The following SYCN variants were observed in gnomAD, a reference collection of about 807,000 sequenced individuals.
SYCN encodes the protein syncollin.
SYCN carries 16 observed loss-of-function variants against 12.6 expected under a neutral mutation model. The ratio of observed to expected loss-of-function variants is 1.27; its 90% CI spans 0.86 to 1.92. The LOEUF is 1.92. Ranked by LOEUF, SYCN falls within the 30% of genes most tolerant of loss-of-function variation. The pLI, the probability that SYCN is intolerant of heterozygous loss-of-function variation, is 0.00. For synonymous variants in SYCN, 97 were observed against 88.4 expected, an observed-to-expected ratio of 1.10 and a Z score of -0.55; for missense variants, 226 against 181.8, an observed-to-expected ratio of 1.24 and a Z score of -1.40.
Position 39,203,916 on chromosome 19 carries a change from C to G in SYCN, c.339G>C (p.Glu113Asp). The change falls in exon 1 of 2, where the codon GAG (glutamate) becomes GAC (aspartate). Residue 113 changes from glutamate to aspartate, a missense_variant. Coordinates refer to ENST00000318438, the MANE Select transcript of SYCN (RefSeq NM_001080468.4). ...FSAGTYPRLE[E>D]YRRGILGDWS... ...AGTCTCCTAAGATGCCCCGGCGGTA[C>G]TCCTCCAGGCGCGGGTAGGTGCCGG... is the stretch of plus-strand genomic sequence containing the variant. The G allele has an allele frequency of 1.2e-6, 2 of 1,611,808 alleles. No individual in the cohort carries two copies. The highest frequency in any genetic ancestry group is 1.7e-6 in the Non-Finnish European group (2 of 1,179,000).
rs1211359916 is a variant in SYCN, at chr19:39,203,911, C to T, written c.344G>A (p.Arg115His). 1.2e-6 allele frequency: 2 copies of T among 1,611,442 alleles called. No individual in the cohort carries two copies. The highest frequency in any genetic ancestry group is 2.2e-5 in the East Asian group (1 of 44,838). The change falls in exon 1 of 2, where the codon CGC becomes CAC. Residue 115 changes from arginine to histidine, a missense_variant. Coordinates refer to ENST00000318438, the MANE Select transcript of SYCN (RefSeq NM_001080468.4). ...GGACCAGTCTCCTAAGATGCCCCGG[C>T]GGTACTCCTCCAGGCGCGGGTAGGT... ...AGTYPRLEEY[R>H]RGILGDWSNA...
rs775979532 is a variant in SYCN at position 39,202,986 on chromosome 19, A to T, written c.*1T>A. ...GCTGCAGATGAGAGACCAGCAATGCATCAGCTGCACCTGAAATGTAATCAA... is the reference window on the plus strand; with the variant it reads ...GCTGCAGATGAGAGACCAGCAATGCTTCAGCTGCACCTGAAATGTAATCAA... On this transcript the variant is annotated 3_prime_UTR_variant, in exon 2 of 2. Coordinates refer to ENST00000318438, the MANE Select transcript of SYCN (RefSeq NM_001080468.4). 6.3e-6 allele frequency: 10 copies of T among 1,580,152 alleles called. 1 individual carries two copies. The Middle Eastern group carries it at 1.3e-3, about 210-fold the overall frequency.
chr19:39,203,099 AGGCTCCAAGTTCAGGAACCAG>A, intron 1 of SYCN, 103 bp from the exon 2 acceptor site: 3 of 1,263,688 alleles, frequency 2.4e-6, no homozygotes, highest in Non-Finnish European at 3.3e-6. Context: ...TCTGGGTCTG[AGGCTCCAAGTTCAGGAACCAG>A]GGATCCTAGC....
In SYCN at chr19:39,204,039, G is replaced by T; in HGVS notation, c.216C>A (p.Asn72Lys). 1 of 1,612,602 alleles carries T rather than the reference G, an allele frequency of 6.2e-7. No homozygotes were observed. Residue 72 changes from asparagine (N) to lysine (K), a missense_variant, in exon 1 of 2, where the codon AAC becomes AAA. Physicochemically the swap from Asn to Lys is moderately conservative, Grantham distance 94. Coordinates refer to ENST00000318438, the MANE Select transcript of SYCN (RefSeq NM_001080468.4). ...CAAGTGAGGAGGCGGTGTTGGCCCA[G>T]TTGGAGGGCAGGTAGGGCAGGTCTG... ...SGADLPYLPS[N>K]WANTASSLVV...
At position 39,202,937 on chromosome 19, in the gene SYCN, T is replaced by C; in HGVS notation, c.*50A>G. On this transcript the variant is annotated 3_prime_UTR_variant, in exon 2 of 2. Coordinates refer to ENST00000318438, the MANE Select transcript of SYCN (RefSeq NM_001080468.4). ...GAGCAGAGCCCAGGGATGGGCTGAG[T>C]GAGGGGCTTGGCACTCTGTGGAAGC... The C allele has an allele frequency of 1.3e-6, 2 of 1,568,852 alleles. No homozygotes were observed. Among genetic ancestry groups the C allele is most frequent in the Non-Finnish European group, 1.7e-6 (2 of 1,159,042 alleles).
Position 39,204,238 on chromosome 19 carries a change from G to T in SYCN, c.17C>A (p.Pro6Gln), listed in dbSNP as rs768166014. MSPLR[P>Q]LLLALALASV... ...GGCAAGGGCCAGGGCCAGCAGCAGCGGGCGCAGCGGGGACATGGTGGCAGT... is the reference window on the plus strand; with the variant it reads ...GGCAAGGGCCAGGGCCAGCAGCAGCTGGCGCAGCGGGGACATGGTGGCAGT... The change falls in exon 1 of 2, where the codon CCG (proline) becomes CAG (glutamine). Residue 6 changes from proline (P) to glutamine (Q), a missense_variant. Coordinates refer to ENST00000318438, the MANE Select transcript of SYCN (RefSeq NM_001080468.4). The T allele has an allele frequency of 6.4e-7, 1 of 1,573,914 alleles. No individual in the cohort carries two copies. Among genetic ancestry groups the T allele is most frequent in the Middle Eastern group, 2.2e-4 (1 of 4,582 alleles).
rs1186084871 is a variant in SYCN at position 39,204,162 on chromosome 19, G to C, written c.93C>G (p.His31Gln). Residue 31 changes from histidine (H) to glutamine (Q), a missense_variant, in exon 1 of 2, where the codon CAC becomes CAG. Physicochemically the swap from His to Gln is conservative, Grantham distance 24. Transcript: ENST00000318438. Reference sequence around the variant, plus strand: ...TGGCGCAAGTGCGCGTCCCGTCCGAGTGCTTGAGGTCGGCGGAGGCGGGGC... The same window carrying C: ...TGGCGCAAGTGCGCGTCCCGTCCGACTGCTTGAGGTCGGCGGAGGCGGGGC... ...GACPASADLKHSDGTRTCAKL... is the reference protein window; with the variant it reads ...GACPASADLKQSDGTRTCAKL... The C allele has an allele frequency of 6.2e-7, 1 of 1,612,422 alleles. No homozygotes were observed. The highest frequency in any genetic ancestry group is 8.5e-7 in the Non-Finnish European group (1 of 1,179,632).
intron 1 of SYCN, 96 bp downstream of exon 1, chr19:39,203,764 T>C: frequency 7.2e-7 from 1 of 1,397,072 alleles, no homozygotes. Context: ...CTCAGGGGTG[T>C]GGAGCAGCCT....
At chr19:39,203,738 C>G (rs1399577809) in intron 1 of SYCN, 122 bp downstream of exon 1, 2 of 1,218,348 alleles carry the variant, frequency 1.6e-6, no homozygotes, top group Non-Finnish European at 2.2e-6. Flanking sequence ...CTGGTGCTCC[C>G]TGTTACAGTC....
At position 39,204,084 on chromosome 19, in the gene SYCN, C is replaced by T; in HGVS notation, c.171G>A (p.Glu57=). The change falls in exon 1 of 2, where the codon GAG becomes GAA. Residue 57 remains glutamate, a synonymous_variant. Coordinates refer to ENST00000318438, the MANE Select transcript of SYCN (RefSeq NM_001080468.4). The part of the protein sequence containing the change: ...PYYENCCGGA[E]LSLESGADLP... ...GGTCTGCGCCCGACTCCAGCGACAG[C>T]TCGGCGCCCCCGCAGCAGTTCTCAT... 1.2e-6 allele frequency: 2 copies of T among 1,613,006 alleles called. No individual in the cohort carries two copies. Among genetic ancestry groups the T allele is most frequent in the Middle Eastern group, 3.3e-4 (2 of 6,032 alleles).
chr19:39,203,073 G>T (rs2074795237), intron 1 of SYCN, 77 bp from the exon 2 acceptor site: 8 of 1,487,134 alleles, frequency 5.4e-6, no homozygotes, highest in Non-Finnish European at 6.4e-6. Context: ...CCTGAGACTG[G>T]GTGGGGGCTG....
Position 39,204,092 on chromosome 19 carries a change from C to T in SYCN, c.163G>A (p.Gly55Ser). 4 of 1,613,086 alleles carry T rather than the reference C, an allele frequency of 2.5e-6. No homozygotes were observed. Among genetic ancestry groups the T allele is most frequent in the East Asian group, 2.2e-5 (1 of 44,860 alleles). ...SDPYYENCCG[G>S]AELSLESGAD... ...CCCGACTCCAGCGACAGCTCGGCGCCCCCGCAGCAGTTCTCATAGTAGGGG... is the reference window on the plus strand; with the variant it reads ...CCCGACTCCAGCGACAGCTCGGCGCTCCCGCAGCAGTTCTCATAGTAGGGG... Residue 55 changes from glycine (G) to serine (S), a missense_variant, in exon 1 of 2, where the codon GGC becomes AGC. Transcript: ENST00000318438.
At position 39,204,180 on chromosome 19, in the gene SYCN, G is replaced by A. The variant is rs2074801527; in HGVS notation, c.75C>T (p.Ala25=). The A allele has an allele frequency of 6.2e-7, 1 of 1,611,248 alleles. No individual in the cohort carries two copies. Residue 25 remains alanine, a synonymous_variant, in exon 1 of 2, where the codon GCC becomes GCT. Transcript: ENST00000318438. ...SVPCAQGACP[A]SADLKHSDGT... is the part of the protein sequence containing the mutation. ...CGTCCGAGTGCTTGAGGTCGGCGGA[G>A]GCGGGGCAGGCGCCCTGGGCGCAAG...
chr19:39,204,248 G>T lies in SYCN; in HGVS notation c.7C>A (p.Pro3Thr). The T allele has an allele frequency of 6.4e-7, 1 of 1,560,164 alleles. No individual in the cohort carries two copies. Residue 3 changes from proline (P) to threonine (T), a missense_variant, in exon 1 of 2, where the codon CCG becomes ACG. Transcript: ENST00000318438. ...AGGGCCAGCAGCAGCGGGCGCAGCG[G>T]GGACATGGTGGCAGTGCCCTGCCGC... MS[P>T]LRPLLLALAL...
At position 39,204,149 on chromosome 19, in the gene SYCN, G is replaced by A. The variant is rs2074801185; in HGVS notation, c.106C>T (p.Arg36Cys). The A allele has an allele frequency of 1.9e-6, 3 of 1,612,598 alleles. No homozygotes were observed. Among genetic ancestry groups the A allele is most frequent in the Non-Finnish European group, 2.5e-6 (3 of 1,179,710 alleles). Residue 36 changes from arginine to cysteine, a missense_variant, in exon 1 of 2, where the codon CGC (arginine) becomes TGC (cysteine). Physicochemically the swap from Arg to Cys is radical, Grantham distance 180. Transcript: ENST00000318438. ...SADLKHSDGTRTCAKLYDKSD... is the reference protein window; with the variant it reads ...SADLKHSDGTCTCAKLYDKSD... ...TTGTCATAGAGCTTGGCGCAAGTGC[G>A]CGTCCCGTCCGAGTGCTTGAGGTCG...
intron 1 of SYCN, 88 bp from the exon 2 acceptor site, chr19:39,203,084 G>A (rs1600436204): frequency 7.1e-6 from 10 of 1,413,698 alleles, no homozygotes; most frequent in East Asian, 2.5e-5. Context: ...GTGGGGGCTG[G>A]GGAGTCTGGG....
chr19:39,203,871 CGCGGAGATA>C lies in SYCN; in HGVS notation c.375_383del (p.Ile126_Ala128del). On this transcript the variant is annotated inframe_deletion, in exon 1 of 2. Transcript: ENST00000318438. Reference sequence around the variant, plus strand: ...GGGCGGCCGGGCACCTGCAGTAGAGCGCGGAGATAGCGTTGGACCAGTCTCCTAAGATGC... The same window carrying C: ...GGGCGGCCGGGCACCTGCAGTAGAGCGCGTTGGACCAGTCTCCTAAGATGC... 1 of 1,595,162 alleles carries C rather than the reference CGCGGAGATA, an allele frequency of 6.3e-7. No individual in the cohort carries two copies.
chr19:39,202,930 G>T lies in SYCN; in HGVS notation c.*57C>A. The T allele has an allele frequency of 6.4e-7, 1 of 1,565,186 alleles. No individual in the cohort carries two copies. Among genetic ancestry groups the T allele is most frequent in the East Asian group, 2.4e-5 (1 of 42,346 alleles). On this transcript the variant is annotated 3_prime_UTR_variant, in exon 2 of 2. Coordinates refer to ENST00000318438, the MANE Select transcript of SYCN (RefSeq NM_001080468.4). ...GGCCCCGGAGCAGAGCCCAGGGATGGGCTGAGTGAGGGGCTTGGCACTCTG... is the reference window on the plus strand; with the variant it reads ...GGCCCCGGAGCAGAGCCCAGGGATGTGCTGAGTGAGGGGCTTGGCACTCTG...
In SYCN at chr19:39,203,929, G is replaced by C. The variant is rs764891208; in HGVS notation, c.326C>G (p.Pro109Arg). The C allele has an allele frequency of 3.7e-6, 6 of 1,611,232 alleles. No individual in the cohort carries two copies. The African/African-American group carries it at 6.7e-5, about 18-fold the overall frequency. The change falls in exon 1 of 2, where the codon CCG becomes CGG. Residue 109 changes from proline (P) to arginine (R), a missense_variant. Pro to Arg is a moderately radical substitution (Grantham distance 103, BLOSUM62 -2). Coordinates refer to ENST00000318438, the MANE Select transcript of SYCN (RefSeq NM_001080468.4). ...GCCCCGGCGGTACTCCTCCAGGCGCGGGTAGGTGCCGGCAGAGAACTTGTG... is the reference window on the plus strand; with the variant it reads ...GCCCCGGCGGTACTCCTCCAGGCGCCGGTAGGTGCCGGCAGAGAACTTGTG... Reference protein sequence around the residue: ...KTHKFSAGTYPRLEEYRRGIL... With the variant: ...KTHKFSAGTYRRLEEYRRGIL...
Sources: allele counts gnomAD v4.1 joint callset, GRCh38; gene constraint gnomAD v4.1.1; transcripts MANE v1.5; gene names NCBI Gene and HGNC (gene_info 2026-07-23, HGNC 2026-07-21).